Variants in STIM2 observed in about 807,000 individuals in gnomAD.
STIM2 encodes the protein stromal interaction molecule 2.
In STIM2, 31 loss-of-function variants were observed where a neutral mutation model predicts 85.8. The observed-to-expected ratio is 0.36, with a 90% CI of 0.27 to 0.49. The LOEUF (loss-of-function observed/expected upper bound fraction) is 0.49, where lower values mean the gene tolerates loss of function less well. Among genes scored for constraint, STIM2 ranks in the 20% least tolerant of loss-of-function variants. The pLI is 0.98. For missense variants in STIM2, 841 were observed against 927.6 expected, an observed-to-expected ratio of 0.91 and a Z score of 1.21; for synonymous variants, 356 against 331.1, an observed-to-expected ratio of 1.08 and a Z score of -0.82.
chr4:27,019,072 T>C (rs3762900), intron 11 of STIM2, among the ~76,000 whole-genome samples: 53,168 of 152,070 alleles, frequency 0.35, 9,555 homozygotes, highest in East Asian at 0.62. Flanking sequence ...CACATTACTC[T>C]TTAAAAGCAG....
Position 27,023,748 on chromosome 4 carries a change from A to G in STIM2, c.*752A>G, listed in dbSNP as rs1024425764. The stretch of plus-strand genomic sequence containing the variant: ...TTACTGCATTGCAGGCTGTATGATA[A>G]AACACACATAATTTAAAGAGAGAAG... On this transcript the variant is annotated 3_prime_UTR_variant, in exon 12 of 12. Coordinates refer to ENST00000467087, the MANE Select transcript of STIM2 (RefSeq NM_020860.4). 1 of 152,664 alleles carries G rather than the reference A, an allele frequency of 6.6e-6. No homozygotes were observed. The highest frequency in any genetic ancestry group is 1.5e-5 in the Non-Finnish European group (1 of 68,052). 9.5% of individuals were successfully genotyped at this position (152,664 alleles called of 1,614,324 possible).
intron 3 of STIM2, among the ~76,000 whole-genome samples, chr4:26,984,246 T>C (rs913031655): frequency 6.6e-6 from 1 of 152,230 alleles, no homozygotes; most frequent in Non-Finnish European, 1.5e-5. Context: ...CATTCCATGT[T>C]TGTTAAGTGC....
rs1337563225 is a variant in STIM2, at chr4:27,017,795, A to G, written c.1574A>G (p.Gln525Arg). Residue 525 changes from glutamine (Q) to arginine (R), a missense_variant, in exon 11 of 12, where the codon CAG (glutamine) becomes CGG (arginine). Physicochemically the swap from Gln to Arg is conservative, Grantham distance 43. Coordinates refer to ENST00000467087, the MANE Select transcript of STIM2 (RefSeq NM_020860.4). ...CGCAGCATTGTGCCGTCCTCGCCTCAGCCTCAGCGAGCTCAGCTTGCTCCA... is the reference window on the plus strand; with the variant it reads ...CGCAGCATTGTGCCGTCCTCGCCTCGGCCTCAGCGAGCTCAGCTTGCTCCA... 1.2e-6 allele frequency: 2 copies of G among 1,614,106 alleles called. No homozygotes were observed. Among genetic ancestry groups the G allele is most frequent in the Admixed American group, 3.3e-5 (2 of 60,008 alleles).
chr4:26,893,254 C>T (rs1217928205), intron 1 of STIM2, among the ~76,000 whole-genome samples: 2 of 152,134 alleles, frequency 1.3e-5, no homozygotes, highest in African/African-American at 4.8e-5. Flanking sequence ...AGAAGTTCCC[C>T]CTCCCCATAG....
chr4:27,020,951 C>T (rs997273835), intron 11 of STIM2: 5 of 1,510,126 alleles, frequency 3.3e-6, no homozygotes, highest in Non-Finnish European at 4.5e-6. Flanking sequence ...CACTTTTTAC[C>T]TTGACTCTCC....
intron 1 of STIM2, among the ~76,000 whole-genome samples, chr4:26,867,444 A>G (rs1314924023): frequency 7.2e-5 from 11 of 152,240 alleles, no homozygotes; most frequent in Non-Finnish European, 1.5e-5. Flanking sequence ...AATAAAACCA[A>G]ACAACTTTTG....
intron 1 of STIM2, among the ~76,000 whole-genome samples, chr4:26,905,133 C>T (rs936386065): frequency 2.0e-5 from 3 of 151,978 alleles, no homozygotes; most frequent in Admixed American, 6.6e-5. Context: ...CAAGAAGATA[C>T]GAAATAGAAT....
chr4:26,861,981 GTGTT>G (rs901016833), intron 1 of STIM2, among the ~76,000 whole-genome samples: 7 of 152,194 alleles, frequency 4.6e-5, no homozygotes, highest in Non-Finnish European at 1.0e-4. Context: ...GTGATGGAAA[GTGTT>G]TGGTGGTGGG....
At chr4:27,007,457 T>G in intron 7 of STIM2, 76 bp from the exon 8 acceptor site, 4 of 1,047,304 alleles carry the variant, frequency 3.8e-6, no homozygotes, top group Non-Finnish European at 5.2e-6. Flanking sequence ...TTTTTTTTAG[T>G]TTGGGTTCTA....
chr4:26,904,749 A>G (rs1431691266), intron 1 of STIM2, among the ~76,000 whole-genome samples: 2 of 150,612 alleles, frequency 1.3e-5, no homozygotes, highest in Non-Finnish European at 3.0e-5. Context: ...TGGGGTTGAG[A>G]GTGTTTTGTC....
intron 2 of STIM2, 119 bp downstream of exon 2, chr4:26,919,753 A>C: frequency 8.1e-7 from 1 of 1,238,428 alleles, no homozygotes; most frequent in East Asian, 2.5e-5. Flanking sequence ...CAACATCTTT[A>C]ATTTTTCTTT....
intron 1 of STIM2, among the ~76,000 whole-genome samples, chr4:26,883,798 A>G (rs1195747455): frequency 6.6e-6 from 1 of 152,220 alleles, no homozygotes; most frequent in Non-Finnish European, 1.5e-5. Flanking sequence ...ACAAAGCACC[A>G]TGTACAGTGT....
intron 1 of STIM2, among the ~76,000 whole-genome samples, chr4:26,866,840 G>C (rs187056608): frequency 6.6e-6 from 1 of 152,266 alleles, no homozygotes; most frequent in Middle Eastern, 3.4e-3. Context: ...AAATATGCAC[G>C]TTAGGGAAAA....
At chr4:27,019,478 C>G (rs561122624) in intron 11 of STIM2, 2 of 1,289,730 alleles carry the variant, frequency 1.6e-6, no homozygotes, top group Admixed American at 4.6e-5. Flanking sequence ...AAGGAAAACT[C>G]GAGAGCTGCA....
At chr4:26,919,116 A>AT (rs1206989716) in intron 1 of STIM2, among the ~76,000 whole-genome samples, 1 of 147,784 alleles carries the variant, frequency 6.8e-6, no homozygotes, top group East Asian at 2.0e-4. Flanking sequence ...GTATTCTGTG[A>AT]TTTTTTAGTG....
intron 1 of STIM2, among the ~76,000 whole-genome samples, chr4:26,896,735 A>C (rs1315279665): frequency 6.6e-6 from 1 of 152,182 alleles, no homozygotes; most frequent in South Asian, 2.1e-4. Flanking sequence ...ACAGACTTCA[A>C]CTTCACCAGT....
intron 3 of STIM2, among the ~76,000 whole-genome samples, chr4:26,982,602 T>G (rs576527808): frequency 6.6e-6 from 1 of 152,188 alleles, no homozygotes; most frequent in Non-Finnish European, 1.5e-5. Flanking sequence ...CATTGTGTTA[T>G]GTCTTAACCT....
intron 3 of STIM2, among the ~76,000 whole-genome samples, chr4:26,987,501 C>T (rs1727621885): frequency 6.6e-6 from 1 of 152,202 alleles, no homozygotes; most frequent in South Asian, 2.1e-4. Flanking sequence ...TCCCCATACT[C>T]TCTCATCTCC....
chr4:26,861,210 T>G lies in STIM2; in HGVS notation c.-9T>G, dbSNP rs1267699226. 6.8e-7 allele frequency: 1 copy of G among 1,470,470 alleles called. No individual in the cohort carries two copies. The highest frequency in any genetic ancestry group is 1.5e-5 in the African/African-American group (1 of 68,848). 91.1% of individuals were successfully genotyped at this position (1,470,470 alleles called of 1,614,324 possible). On this transcript the variant is annotated 5_prime_UTR_variant, in exon 1 of 12. Coordinates refer to ENST00000467087, the MANE Select transcript of STIM2 (RefSeq NM_020860.4). ...GGGCTGGCTGCTGCGGCGGCGGCGCTGGGCTGCGTTGCTGGTGCTCGGGCT... is the reference window on the plus strand; with the variant it reads ...GGGCTGGCTGCTGCGGCGGCGGCGCGGGGCTGCGTTGCTGGTGCTCGGGCT...
Sources: allele counts gnomAD v4.1 joint callset (sites outside exome capture counted in the v4.1 genomes callset), GRCh38; gene constraint gnomAD v4.1.1; transcripts MANE v1.5; gene names NCBI Gene and HGNC (gene_info 2026-07-23, HGNC 2026-07-21).